Variants in CLCN5 observed in about 807,000 individuals in gnomAD.
CLCN5 encodes the protein H(+)/Cl(-) exchange transporter 5.
CLCN5 carries 17 observed loss-of-function variants against 54.0 expected under a neutral mutation model. The observed-to-expected ratio is 0.31, with a 90% CI of 0.22 to 0.47. The LOEUF (loss-of-function observed/expected upper bound fraction) is 0.47. CLCN5 is among the 20% of genes least tolerant of loss of function. CLCN5 has a pLI of 1.00. For missense variants in CLCN5, 448 were observed against 646.7 expected (o/e 0.69, Z 3.33); for synonymous variants, 222 against 233.0 (o/e 0.95, Z 0.43).
chrX:49,941,486 C>T (rs1332696350), intron 3 of CLCN5, among the ~76,000 whole-genome samples: 4 of 111,335 alleles, frequency 3.6e-5, no homozygotes, highest in African/African-American at 9.8e-5. Context: ...ATACAAAGTC[C>T]AGCCCAATCA....
chrX:50,039,715 T>C (rs145335770), intron 3 of CLCN5, among the ~76,000 whole-genome samples: 7,973 of 110,031 alleles, frequency 0.072, 748 homozygotes, highest in African/African-American at 0.25. Context: ...TTTTTTGAGA[T>C]GGAGTCTTGC....
At chrX:49,947,600 C>T (rs1926824831) in intron 3 of CLCN5, among the ~76,000 whole-genome samples, 2 of 111,621 alleles carry the variant, frequency 1.8e-5, no homozygotes, top group African/African-American at 6.5e-5. Context: ...AGTTATCCAG[C>T]CTCAGAGGAA....
chrX:50,027,527 G>T (rs1931469587), intron 3 of CLCN5, among the ~76,000 whole-genome samples: 1 of 111,846 alleles, frequency 8.9e-6, no homozygotes, highest in South Asian at 3.7e-4. Context: ...CTTTATTTCT[G>T]TTATGGTGTT....
chrX:50,013,156 ATCTCTCTCC>A (rs1569538718), intron 3 of CLCN5: 1 of 247,666 alleles, frequency 4.0e-6, no homozygotes. Flanking sequence ...CAATCAATCA[ATCTCTCTCC>A]TCTCTCTCTC....
chrX:50,031,386 G>A (rs1325769361), intron 3 of CLCN5, among the ~76,000 whole-genome samples: 2 of 112,008 alleles, frequency 1.8e-5, no homozygotes, highest in Non-Finnish European at 3.8e-5. Flanking sequence ...AACTGTGGGT[G>A]TTGCCCAAGT....
At chrX:49,940,271 G>T (rs1032648108) in intron 3 of CLCN5, among the ~76,000 whole-genome samples, 2 of 111,890 alleles carry the variant, frequency 1.8e-5, no homozygotes, top group Non-Finnish European at 3.8e-5. Flanking sequence ...GTCAATAAAG[G>T]GTTGTTACGA....
chrX:50,064,330 A>G lies in CLCN5; in HGVS notation c.164-5549A>G, dbSNP rs1268989612. 2.1e-4 allele frequency among the ~76,000 whole-genome samples: 22 copies of G among 103,726 alleles called. 1 individual carries two copies. In the Middle Eastern group the frequency reaches 0.014, roughly 68 times the overall value. 90.1% of individuals were successfully genotyped at this position (103,726 alleles called of 115,157 possible). A position where few individuals can be genotyped will look rare whatever the true frequency, so the allele number is the denominator to read the frequency against. The stretch of plus-strand genomic sequence containing the variant: ...AGCAAAGTCTCAGGATACAAAATCA[A>G]TGTACAAAAATCACAAGCATTCCTA... On this transcript the variant is annotated intron_variant, in intron 4 of 14. Transcript: ENST00000376091.
intron 4 of CLCN5, among the ~76,000 whole-genome samples, chrX:50,053,847 A>G (rs1932663637): frequency 1.8e-5 from 2 of 111,216 alleles, no homozygotes; most frequent in Admixed American, 9.7e-5. Flanking sequence ...TTCTATTAAT[A>G]GCTCAATTCC....
At chrX:49,983,110 A>C (rs1557177885) in intron 3 of CLCN5, among the ~76,000 whole-genome samples, 2 of 112,040 alleles carry the variant, frequency 1.8e-5, no homozygotes. Flanking sequence ...TAAATGCTAC[A>C]TCAGAGTTGG....
At chrX:50,037,618 G>T (rs1932051174) in intron 3 of CLCN5, among the ~76,000 whole-genome samples, 1 of 111,636 alleles carries the variant, frequency 9.0e-6, no homozygotes, top group Admixed American at 9.5e-5. Context: ...GTGCAGAGAA[G>T]AGTTGAGGAA....
intron 4 of CLCN5, among the ~76,000 whole-genome samples, chrX:50,054,951 G>T (rs1340957830): frequency 1.8e-5 from 2 of 111,451 alleles, no homozygotes; most frequent in Non-Finnish European, 3.8e-5. Context: ...GCTTCAGGGG[G>T]TATGTGCCAT....
At chrX:50,089,583 A>G (rs2147603500) in intron 12 of CLCN5, among the ~76,000 whole-genome samples, 1 of 112,347 alleles carries the variant, frequency 8.9e-6, no homozygotes, top group East Asian at 2.8e-4. Context: ...TGAAAGAACA[A>G]AGAAACAAGA....
intron 3 of CLCN5, among the ~76,000 whole-genome samples, chrX:49,978,397 C>G (rs546982782): frequency 8.9e-6 from 1 of 112,333 alleles, no homozygotes. Context: ...GGCGATTGTC[C>G]TGAGACTTAT....
At chrX:50,000,194 T>C (rs1357098174) in intron 3 of CLCN5, among the ~76,000 whole-genome samples, 1 of 110,517 alleles carries the variant, frequency 9.0e-6, no homozygotes, top group Non-Finnish European at 1.9e-5. Flanking sequence ...CTTTCTCTCA[T>C]GTGCATACAC....
At chrX:50,018,804 C>T (rs1557183947) in intron 3 of CLCN5, among the ~76,000 whole-genome samples, 1 of 112,010 alleles carries the variant, frequency 8.9e-6, no homozygotes, top group African/African-American at 3.2e-5. Flanking sequence ...GGATAAATCC[C>T]ACTTGGTCAT....
intron 3 of CLCN5, among the ~76,000 whole-genome samples, chrX:50,025,983 A>G (rs1931365938): frequency 8.9e-6 from 1 of 112,147 alleles, no homozygotes. Flanking sequence ...ATTATTGATT[A>G]TAGATCTTTC....
chrX:49,929,078 A>G (rs1174799460), intron 3 of CLCN5, among the ~76,000 whole-genome samples: 3 of 111,403 alleles, frequency 2.7e-5, no homozygotes, highest in Non-Finnish European at 5.7e-5. Context: ...GGAAGAGGCA[A>G]TGTGTGAGTC....
chrX:50,030,007 C>G (rs1192297179), intron 3 of CLCN5, among the ~76,000 whole-genome samples: 3 of 112,092 alleles, frequency 2.7e-5, no homozygotes, highest in Non-Finnish European at 5.6e-5. Context: ...TTGATGATTG[C>G]TTCTTTGTAG....
At chrX:50,067,951 A>G (rs984934809) in intron 4 of CLCN5, 1 of 114,657 alleles carries the variant, frequency 8.7e-6, no homozygotes, top group African/African-American at 3.2e-5. Flanking sequence ...TAGTGATGTA[A>G]TAGGATTCTT....
Sources: allele counts gnomAD v4.1 joint callset (sites outside exome capture counted in the v4.1 genomes callset), GRCh38; gene constraint gnomAD v4.1.1; transcripts MANE v1.5; gene names NCBI Gene and HGNC (gene_info 2026-07-23, HGNC 2026-07-21).